PXDNL: variants seen among roughly 807,000 people sequenced by gnomAD.
PXDNL encodes peroxidasin like.
PXDNL carries 145 observed loss-of-function variants against 150.8 expected under a neutral mutation model. The ratio of observed to expected loss-of-function variants is 0.96; its 90% CI spans 0.84 to 1.10. The LOEUF (loss-of-function observed/expected upper bound fraction) is 1.10, where lower values mean the gene tolerates loss of function less well. Ranked by LOEUF, PXDNL falls within the 50% of genes least tolerant of loss-of-function variation. The pLI, the probability that PXDNL is intolerant of heterozygous loss-of-function variation, is 0.00. For synonymous variants in PXDNL, 757 were observed against 725.7 expected (o/e 1.04, Z -0.69); for missense variants, 2,087 against 1,873.9 (o/e 1.11, Z -2.10).
chr8:51,603,651 C>A (rs957156969), intron 2 of PXDNL, among the ~76,000 whole-genome samples: 1 of 151,974 alleles, frequency 6.6e-6, no homozygotes, highest in African/African-American at 2.4e-5. Flanking sequence ...CCTGTAATGA[C>A]CATGATTTTT....
At chr8:51,668,189 T>TTTTTTTTTTTTTTTTTG (rs1815428683) in intron 1 of PXDNL, among the ~76,000 whole-genome samples, 1 of 138,152 alleles carries the variant, frequency 7.2e-6, no homozygotes, top group Admixed American at 7.4e-5. Flanking sequence ...TTTTTTTTTT[T>TTTTTTTTTTTTTTTTTG]TTTTGAGACA....
Position 51,809,404 on chromosome 8 carries a change from TGCA to T in PXDNL, c.-63_-61del. ...CCGGAGGGAGAGCAGCAGCTGCAGC[TGCA>T]GCAGCAACCGCAGTGGTGGTGATGG... On this transcript the variant is annotated 5_prime_UTR_variant, in exon 1 of 23. Transcript: ENST00000356297. The T allele has an allele frequency of 6.9e-7, 1 of 1,458,712 alleles. No homozygotes were observed. The highest frequency in any genetic ancestry group is 2.6e-5 in the Admixed American group (1 of 37,988). 90.4% of individuals were successfully genotyped at this position (1,458,712 alleles called of 1,614,324 possible). A position where few individuals can be genotyped will look rare whatever the true frequency, so the allele number is the denominator to read the frequency against.
chr8:51,511,581 G>T (rs528819587), intron 4 of PXDNL, among the ~76,000 whole-genome samples: 2 of 152,182 alleles, frequency 1.3e-5, no homozygotes, highest in South Asian at 4.1e-4. Flanking sequence ...GATATGCAGG[G>T]CCTGGAGTAT....
chr8:51,688,934 C>T (rs915184701), intron 1 of PXDNL, among the ~76,000 whole-genome samples: 8 of 152,222 alleles, frequency 5.3e-5, no homozygotes, highest in African/African-American at 1.9e-4. Context: ...AGTTTCAGGG[C>T]CTTGCTTTAC....
intron 1 of PXDNL, among the ~76,000 whole-genome samples, chr8:51,781,328 C>T (rs1276567392): frequency 6.7e-6 from 1 of 149,074 alleles, no homozygotes; most frequent in Admixed American, 6.7e-5. Context: ...ATGCATGTGG[C>T]CTTGATTTGC....
chr8:51,504,197 A>G (rs1310619086), intron 4 of PXDNL, among the ~76,000 whole-genome samples: 4 of 152,214 alleles, frequency 2.6e-5, no homozygotes, highest in African/African-American at 7.2e-5. Flanking sequence ...CTAAAATACA[A>G]GAACAAACTG....
chr8:51,742,349 T>C (rs559845508), intron 1 of PXDNL, among the ~76,000 whole-genome samples: 209 of 152,282 alleles, frequency 1.4e-3, no homozygotes, highest in Admixed American at 2.3e-3. Flanking sequence ...GTGGTAAAGC[T>C]GAGTAGAACT....
intron 12 of PXDNL, chr8:51,435,891 C>A: frequency 4.3e-6 from 2 of 467,356 alleles, no homozygotes; most frequent in Non-Finnish European, 8.6e-6. Flanking sequence ...TAAAATGGAT[C>A]GTAAGCATAA....
At chr8:51,385,610 T>C (rs1438272102) in intron 17 of PXDNL, among the ~76,000 whole-genome samples, 1 of 152,178 alleles carries the variant, frequency 6.6e-6, no homozygotes, top group African/African-American at 2.4e-5. Flanking sequence ...CATAAACAGA[T>C]ATTTAAAACA....
At chr8:51,568,154 A>C (rs1196843191) in intron 3 of PXDNL, among the ~76,000 whole-genome samples, 1 of 151,062 alleles carries the variant, frequency 6.6e-6, no homozygotes, top group Non-Finnish European at 1.5e-5. Context: ...TATATCAATA[A>C]ATAATAAAAA....
intron 2 of PXDNL, among the ~76,000 whole-genome samples, chr8:51,604,659 A>T (rs1231581573): frequency 6.6e-6 from 1 of 152,230 alleles, no homozygotes; most frequent in Non-Finnish European, 1.5e-5. Flanking sequence ...TAATAATAAA[A>T]AAAATACTTA....
chr8:51,462,533 G>C (rs750979339), intron 8 of PXDNL, among the ~76,000 whole-genome samples: 39 of 152,130 alleles, frequency 2.6e-4, no homozygotes, highest in Non-Finnish European at 3.8e-4. Context: ...AACAGACCAA[G>C]CTGAGGCAAG....
chr8:51,341,180 C>T (rs1271191886), intron 20 of PXDNL, among the ~76,000 whole-genome samples: 2 of 152,064 alleles, frequency 1.3e-5, no homozygotes, highest in African/African-American at 4.8e-5. Flanking sequence ...GAACAGTTGG[C>T]AAAGAAGCAA....
chr8:51,558,935 C>G (rs958438178), intron 3 of PXDNL, among the ~76,000 whole-genome samples: 6 of 151,844 alleles, frequency 4.0e-5, no homozygotes, highest in African/African-American at 1.5e-4. Context: ...CAGAAAGGAC[C>G]CTCAAATTCT....
chr8:51,355,444 A>G (rs1394727204), intron 19 of PXDNL, among the ~76,000 whole-genome samples: 1 of 152,220 alleles, frequency 6.6e-6, no homozygotes, highest in African/African-American at 2.4e-5. Context: ...AATAAATCCC[A>G]GTAGAAAATA....
chr8:51,654,905 C>T (rs1815120093), intron 1 of PXDNL, 145 bp from the exon 2 acceptor site: 3 of 664,662 alleles, frequency 4.5e-6, no homozygotes, highest in Admixed American at 5.0e-5. Flanking sequence ...AACTAGTGCA[C>T]ATCATACACT....
At chr8:51,594,175 T>A (rs776626803) in intron 2 of PXDNL, among the ~76,000 whole-genome samples, 1 of 152,216 alleles carries the variant, frequency 6.6e-6, no homozygotes, top group Non-Finnish European at 1.5e-5. Context: ...GAATAAACTA[T>A]ACGTGTGTAT....
intron 19 of PXDNL, among the ~76,000 whole-genome samples, chr8:51,366,610 G>A (rs1414011904): frequency 1.3e-5 from 2 of 151,488 alleles, no homozygotes; most frequent in African/African-American, 4.8e-5. Flanking sequence ...GCAAATAATG[G>A]GAAAAATAAA....
At chr8:51,438,583 C>T (rs1422615094) in intron 12 of PXDNL, among the ~76,000 whole-genome samples, 1 of 152,022 alleles carries the variant, frequency 6.6e-6, no homozygotes, top group Non-Finnish European at 1.5e-5. Flanking sequence ...GGCATGGTGG[C>T]GGGTGCCTAT....
Sources: allele counts gnomAD v4.1 joint callset (sites outside exome capture counted in the v4.1 genomes callset), GRCh38; gene constraint gnomAD v4.1.1; transcripts MANE v1.5; gene names NCBI Gene and HGNC (gene_info 2026-07-23, HGNC 2026-07-21).